KCNJ6: variants seen among roughly 807,000 people sequenced by gnomAD.
The protein encoded by KCNJ6 is potassium inwardly rectifying channel subfamily J member 6.
In KCNJ6, 9 loss-of-function variants were observed where a neutral mutation model predicts 34.2. The ratio of observed to expected loss-of-function variants is 0.26; its 90% CI spans 0.16 to 0.46. The LOEUF (loss-of-function observed/expected upper bound fraction) is 0.46, where lower values mean the gene tolerates loss of function less well. Among genes scored for constraint, KCNJ6 ranks in the 20% least tolerant of loss-of-function variants. The pLI is 1.00. For missense variants in KCNJ6, 236 were observed against 531.3 expected (o/e 0.44, Z 5.46); for synonymous variants, 196 against 207.1 (o/e 0.95, Z 0.46).
chr21:37,639,800 G>A (rs1052012613), intron 3 of KCNJ6, among the ~76,000 whole-genome samples: 1 of 152,156 alleles, frequency 6.6e-6, no homozygotes, highest in African/African-American at 2.4e-5. Context: ...TTTCCTCTTT[G>A]GTGCTGTTCT....
chr21:37,715,248 A>G, intron 2 of KCNJ6, 117 bp from the exon 3 acceptor site: 1 of 843,454 alleles, frequency 1.2e-6, no homozygotes, highest in Non-Finnish European at 1.8e-6. Context: ...GTAGCTATAA[A>G]CAAAGTAGAC....
At chr21:37,663,604 A>C (rs1470455274) in intron 3 of KCNJ6, among the ~76,000 whole-genome samples, 1 of 152,236 alleles carries the variant, frequency 6.6e-6, no homozygotes, top group East Asian at 1.9e-4. Flanking sequence ...AGCTATACTA[A>C]TATGGGACAA....
intron 2 of KCNJ6, among the ~76,000 whole-genome samples, chr21:37,834,576 C>T (rs1023087370): frequency 6.6e-6 from 1 of 152,196 alleles, no homozygotes; most frequent in Non-Finnish European, 1.5e-5. Context: ...TCTTTCTGTG[C>T]CTTAACACAA....
chr21:37,914,109 GT>G (rs1356087945), intron 1 of KCNJ6, among the ~76,000 whole-genome samples: 1 of 151,366 alleles, frequency 6.6e-6, no homozygotes, highest in African/African-American at 2.4e-5. Flanking sequence ...TCCACTCTCA[GT>G]TCAGCTCAGG....
intron 3 of KCNJ6, among the ~76,000 whole-genome samples, chr21:37,711,524 C>T (rs998991017): frequency 3.3e-5 from 5 of 152,334 alleles, no homozygotes; most frequent in East Asian, 3.9e-4. Flanking sequence ...TCCAGCACTA[C>T]AATGAATAAT....
At chr21:37,747,624 G>C (rs1237547075) in intron 2 of KCNJ6, among the ~76,000 whole-genome samples, 2 of 152,168 alleles carry the variant, frequency 1.3e-5, no homozygotes, top group African/African-American at 2.4e-5. Context: ...TTTTAAGTGG[G>C]AGAGGGAGGC....
chr21:37,797,799 A>T (rs2055250723), intron 2 of KCNJ6, among the ~76,000 whole-genome samples: 1 of 152,204 alleles, frequency 6.6e-6, no homozygotes, highest in South Asian at 2.1e-4. Flanking sequence ...TTGAGGCAGG[A>T]TACGATGTGT....
At chr21:37,792,367 T>A (rs2055221029) in intron 2 of KCNJ6, among the ~76,000 whole-genome samples, 1 of 152,238 alleles carries the variant, frequency 6.6e-6, no homozygotes, top group African/African-American at 2.4e-5. Flanking sequence ...TTTTGTTTCC[T>A]TTAAACTCAG....
intron 2 of KCNJ6, among the ~76,000 whole-genome samples, chr21:37,779,688 T>G (rs946507450): frequency 6.6e-6 from 1 of 152,194 alleles, no homozygotes; most frequent in Non-Finnish European, 1.5e-5. Context: ...ATGAGTTCCT[T>G]GAGACGAGGC....
chr21:37,667,322 G>A (rs73203806), intron 3 of KCNJ6, among the ~76,000 whole-genome samples: 67 of 152,056 alleles, frequency 4.4e-4, no homozygotes, highest in Non-Finnish European at 8.8e-4. Context: ...ATTCTCTACT[G>A]TGGGGGGCGT....
At chr21:37,674,012 C>T (rs1360744975) in intron 3 of KCNJ6, among the ~76,000 whole-genome samples, 4 of 152,180 alleles carry the variant, frequency 2.6e-5, no homozygotes, top group African/African-American at 9.7e-5. Flanking sequence ...CAGCATATCC[C>T]AACCATGTGA....
At position 37,834,486 on chromosome 21, in the gene KCNJ6, CA is replaced by C. The variant is rs2055442070; in HGVS notation, c.25+6171del. On this transcript the variant is annotated intron_variant, in intron 2 of 3. Transcript: ENST00000609713. ...AGGATGCTTCTGCAAGAACGCATGC[CA>C]CATGTCATAGCTGTTACTCTCTTGC... Among the ~76,000 whole-genome samples, 3 of 152,192 alleles carry C rather than the reference CA, an allele frequency of 2.0e-5. No homozygotes were observed. The South Asian group carries it at 6.2e-4, about 31-fold the overall frequency.
rs2054273022 is a variant in KCNJ6 at position 37,617,060 on chromosome 21, TTCTTTTCTTTTCTTTTC to T, written c.*8082_*8098del. On this transcript the variant is annotated 3_prime_UTR_variant, in exon 4 of 4. Coordinates refer to ENST00000609713, the MANE Select transcript of KCNJ6 (RefSeq NM_002240.5). ...TCTTTCTTTCTTTCTTTCTTTTCTT[TTCTTTTCTTTTCTTTTC>T]TTTCTTTTTCTTTCTTTCTTTTCTT... The T allele has an allele frequency of 1.3e-5, 1 of 74,312 alleles. No homozygotes were observed. The highest frequency in any genetic ancestry group is 3.5e-5 in the African/African-American group (1 of 28,212). 4.6% of individuals were successfully genotyped at this position (74,312 alleles called of 1,614,324 possible). A position where few individuals can be genotyped will look rare whatever the true frequency, so the allele number is the denominator to read the frequency against.
intron 3 of KCNJ6, among the ~76,000 whole-genome samples, chr21:37,667,324 G>A (rs2054519572): frequency 6.6e-6 from 1 of 152,002 alleles, no homozygotes; most frequent in African/African-American, 2.4e-5. Context: ...TCTCTACTGT[G>A]GGGGGCGTTT....
intron 2 of KCNJ6, among the ~76,000 whole-genome samples, chr21:37,789,159 T>C (rs1419150091): frequency 6.6e-6 from 1 of 152,208 alleles, no homozygotes; most frequent in African/African-American, 2.4e-5. Context: ...TGTACTCTTT[T>C]TCTCCTTCTT....
intron 2 of KCNJ6, among the ~76,000 whole-genome samples, chr21:37,799,773 A>G (rs907110869): frequency 1.3e-5 from 2 of 152,186 alleles, no homozygotes; most frequent in Non-Finnish European, 2.9e-5. Context: ...TGACTTATAT[A>G]TATTTAAAAT....
At chr21:37,730,024 C>T (rs1177887229) in intron 2 of KCNJ6, among the ~76,000 whole-genome samples, 2 of 152,160 alleles carry the variant, frequency 1.3e-5, no homozygotes, top group South Asian at 4.1e-4. Context: ...CTAGGCTGTC[C>T]GTTCCTCCTT....
Position 37,610,620 on chromosome 21 carries a change from A to AAAAAAAAAAAAAAAAAAAAAAG in KCNJ6, c.*14538_*14539insCTTTTTTTTTTTTTTTTTTTTT, listed in dbSNP as rs34782067. On this transcript the variant is annotated 3_prime_UTR_variant, in exon 4 of 4. Coordinates refer to ENST00000609713, the MANE Select transcript of KCNJ6 (RefSeq NM_002240.5). The stretch of plus-strand genomic sequence containing the variant: ...TCTTAAAAAAAAAAAAAAAAAAAAA[A>AAAAAAAAAAAAAAAAAAAAAAG]GGAATACAAGTCCTACAATGTTTGC... 1 of 149,528 alleles carries AAAAAAAAAAAAAAAAAAAAAAG rather than the reference A, an allele frequency of 6.7e-6. No individual in the cohort carries two copies. The highest frequency in any genetic ancestry group is 2.5e-5 in the African/African-American group (1 of 40,772). The allele number at this position is 149,528 out of a possible 1,614,324, so 9.3% of individuals were successfully genotyped here. A position where few individuals can be genotyped will look rare whatever the true frequency, so the allele number is the denominator to read the frequency against.
chr21:37,811,533 A>G (rs754282970), intron 2 of KCNJ6, among the ~76,000 whole-genome samples: 1 of 152,172 alleles, frequency 6.6e-6, no homozygotes, highest in Non-Finnish European at 1.5e-5. Flanking sequence ...AGCTGGTGTC[A>G]GAGAATTGGT....
Sources: gnomAD v4.1 joint callset for allele counts (sites outside exome capture counted in the v4.1 genomes callset) on GRCh38, gnomAD v4.1.1 for gene constraint, MANE v1.5 for transcripts, NCBI Gene and HGNC (gene_info 2026-07-23, HGNC 2026-07-21) for gene names.